The following RBFOX1 variants were observed in gnomAD, a reference collection of about 807,000 sequenced individuals.
RBFOX1 encodes RNA binding fox-1 homolog 1.
Under a neutral mutation model 57.7 loss-of-function variants are expected in RBFOX1, and 8 were observed. That is an observed-to-expected ratio of 0.14 (90% confidence interval 0.08 to 0.25). RBFOX1 has a LOEUF of 0.25. Ranked by LOEUF, RBFOX1 falls within the 10% of genes least tolerant of loss-of-function variation. The pLI, the probability that RBFOX1 is intolerant of heterozygous loss-of-function variation, is 1.00. For missense variants in RBFOX1, 611 were observed against 548.5 expected, an observed-to-expected ratio of 1.11 and a Z score of -1.14; for synonymous variants, 326 against 222.4, an observed-to-expected ratio of 1.47 and a Z score of -4.15.
At chr16:6,960,430 G>T (rs1013994720) in intron 3 of RBFOX1, among the ~76,000 whole-genome samples, 1 of 152,080 alleles carries the variant, frequency 6.6e-6, no homozygotes, top group Non-Finnish European at 1.5e-5. Context: ...CCCTGTACCC[G>T]GTTACAGGAA....
intron 9 of RBFOX1, among the ~76,000 whole-genome samples, chr16:7,600,488 T>C (rs1265027602): frequency 6.6e-6 from 1 of 152,064 alleles, no homozygotes; most frequent in Non-Finnish European, 1.5e-5. Context: ...AGCAAGACGA[T>C]AGAGTTATGG....
chr16:7,634,848 A>AAACTT (rs2061514719), intron 11 of RBFOX1, among the ~76,000 whole-genome samples: 1 of 152,236 alleles, frequency 6.6e-6, no homozygotes, highest in East Asian at 1.9e-4. Context: ...GCTTTCTATG[A>AAACTT]AACTTAAATG....
chr16:5,772,667 G>A (rs1358693086), intron 3 of RBFOX1, among the ~76,000 whole-genome samples: 5 of 152,168 alleles, frequency 3.3e-5, no homozygotes, highest in Admixed American at 3.3e-4. Context: ...CAGCTAGAGG[G>A]GAGATAAGGA....
chr16:5,445,650 A>G (rs1174968348), intron 1 of RBFOX1, among the ~76,000 whole-genome samples: 3 of 152,162 alleles, frequency 2.0e-5, no homozygotes, highest in Admixed American at 1.3e-4. Flanking sequence ...TTATTTCTGT[A>G]GCATCATCTG....
At chr16:5,765,128 C>G (rs2053731324) in intron 3 of RBFOX1, among the ~76,000 whole-genome samples, 1 of 152,102 alleles carries the variant, frequency 6.6e-6, no homozygotes, top group Admixed American at 6.5e-5. Flanking sequence ...TATTGGGAAG[C>G]CCTTGGGTGG....
intron 1 of RBFOX1, among the ~76,000 whole-genome samples, chr16:5,284,560 G>A (rs1397032022): frequency 4.3e-5 from 6 of 141,032 alleles, no homozygotes; most frequent in Non-Finnish European, 7.6e-5. Context: ...TTTTTTTTAG[G>A]CAATGGAGTC....
chr16:5,924,857 G>T (rs1023213992), intron 4 of RBFOX1, among the ~76,000 whole-genome samples: 3 of 152,116 alleles, frequency 2.0e-5, no homozygotes, highest in Non-Finnish European at 4.4e-5. Flanking sequence ...TGGGGCCCAG[G>T]GATTGGGGAG....
intron 3 of RBFOX1, among the ~76,000 whole-genome samples, chr16:6,861,823 G>GTTTTTTTTTTTTTTTTTTTTTTTTT (rs35138717): frequency 8.7e-5 from 8 of 92,454 alleles, no homozygotes; most frequent in African/African-American, 2.1e-4. Context: ...GCGTCCCTTG[G>GTTTTTTTTTTTTTTTTTTTTTTTTT]TTTTTTTTTT....
At chr16:7,604,085 G>A (rs866897141) in intron 9 of RBFOX1, among the ~76,000 whole-genome samples, 1 of 152,238 alleles carries the variant, frequency 6.6e-6, no homozygotes, top group South Asian at 2.1e-4. Context: ...GATCACACAT[G>A]GGGTATGAGG....
At chr16:7,215,772 G>T (rs549534389) in intron 4 of RBFOX1, among the ~76,000 whole-genome samples, 89 of 147,248 alleles carry the variant, frequency 6.0e-4, no homozygotes, top group Admixed American at 8.2e-4. Context: ...TTGTCCAGGC[G>T]GGAGTGCAGT....
intron 4 of RBFOX1, among the ~76,000 whole-genome samples, chr16:5,957,306 C>T (rs556926656): frequency 8.5e-5 from 13 of 152,286 alleles, no homozygotes; most frequent in African/African-American, 1.9e-4. Flanking sequence ...CCTCCACCTC[C>T]GGTGTTCAAG....
chr16:7,146,341 T>A (rs1355604361), intron 4 of RBFOX1, among the ~76,000 whole-genome samples: 1 of 152,226 alleles, frequency 6.6e-6, no homozygotes, highest in African/African-American at 2.4e-5. Flanking sequence ...GCACTTGCAG[T>A]GATGGTCTTT....
At chr16:5,813,761 T>A (rs966805560) in intron 3 of RBFOX1, among the ~76,000 whole-genome samples, 10 of 152,230 alleles carry the variant, frequency 6.6e-5, no homozygotes, top group African/African-American at 1.9e-4. Flanking sequence ...ACGTGCTTAC[T>A]ATTTGTTAGC....
chr16:6,101,594 C>G (rs1236394645), intron 1 of RBFOX1, among the ~76,000 whole-genome samples: 1 of 152,134 alleles, frequency 6.6e-6, no homozygotes, highest in Non-Finnish European at 1.5e-5. Context: ...TCAAGTGATA[C>G]TCCTGCCTCA....
chr16:7,385,784 C>T (rs183792663), intron 4 of RBFOX1, among the ~76,000 whole-genome samples: 40 of 152,058 alleles, frequency 2.6e-4, no homozygotes, highest in Admixed American at 1.0e-3. Context: ...GATAGAGTCT[C>T]GCTGTGTCAC....
chr16:5,519,986 C>T (rs1376629506), intron 2 of RBFOX1, among the ~76,000 whole-genome samples: 1 of 152,158 alleles, frequency 6.6e-6, no homozygotes, highest in African/African-American at 2.4e-5. Flanking sequence ...AGGGAGATTC[C>T]AGTCTATTGG....
At chr16:6,918,208 G>A (rs2073676249) in intron 3 of RBFOX1, among the ~76,000 whole-genome samples, 1 of 151,904 alleles carries the variant, frequency 6.6e-6, no homozygotes, top group South Asian at 2.1e-4. Flanking sequence ...CTTGAACCTG[G>A]GAGGTGGAGG....
chr16:6,458,173 G>T (rs1325049591), intron 2 of RBFOX1, among the ~76,000 whole-genome samples: 2 of 152,180 alleles, frequency 1.3e-5, no homozygotes, highest in Non-Finnish European at 2.9e-5. Flanking sequence ...GCCCCTCCCT[G>T]TATAGCAGAA....
chr16:5,890,414 G>A (rs1489861395), intron 4 of RBFOX1, among the ~76,000 whole-genome samples: 2 of 152,122 alleles, frequency 1.3e-5, no homozygotes, highest in African/African-American at 2.4e-5. Context: ...ACTAAGAAGT[G>A]AAGGCTGGGC....
Sources: gnomAD v4.1 joint callset for allele counts (sites outside exome capture counted in the v4.1 genomes callset) on GRCh38, gnomAD v4.1.1 for gene constraint, MANE v1.5 for transcripts, NCBI Gene and HGNC (gene_info 2026-07-23, HGNC 2026-07-21) for gene names.